The following JAKMIP1 variants were observed in gnomAD, a reference collection of about 807,000 sequenced individuals.
JAKMIP1 encodes the protein janus kinase and microtubule-interacting protein 1.
In JAKMIP1, 33 loss-of-function variants were observed where a neutral mutation model predicts 113.0. That is an observed-to-expected ratio of 0.29 (90% confidence interval 0.22 to 0.39). The LOEUF is 0.39. JAKMIP1 is among the 10% of genes least tolerant of loss of function. The probability of loss-of-function intolerance (pLI) is 1.00; values close to 1 mark genes in which losing one functional copy is unlikely to be tolerated. For missense variants in JAKMIP1, 813 were observed against 1,080.5 expected, an observed-to-expected ratio of 0.75 and a Z score of 3.47; for synonymous variants, 480 against 459.9, an observed-to-expected ratio of 1.04 and a Z score of -0.56.
Position 6,055,943 on chromosome 4 carries a change from C to A in JAKMIP1, c.1707+754G>T, listed in dbSNP as rs182955874. 8.5e-3 allele frequency among the ~76,000 whole-genome samples: 1,252 copies of A among 147,946 alleles called. 9 individuals are homozygous for A. The highest frequency in any genetic ancestry group is 0.013 in the Non-Finnish European group (894 of 67,054). ...TGCAGAGTGTCCCCAGAGGTCGGGG[C>A]AGCTCTCCCAATTTCTGCAGTGTGT... On this transcript the variant is annotated intron_variant, in intron 12 of 20. Transcript: ENST00000409021.
At chr4:6,118,330 G>A (rs1248891383) in intron 1 of JAKMIP1, among the ~76,000 whole-genome samples, 1 of 152,162 alleles carries the variant, frequency 6.6e-6, no homozygotes, top group Non-Finnish European at 1.5e-5. Context: ...ATGGGTCCCT[G>A]CCTGTCACAC....
chr4:6,073,946 C>T (rs1719329021), intron 8 of JAKMIP1, among the ~76,000 whole-genome samples: 1 of 152,258 alleles, frequency 6.6e-6, no homozygotes, highest in Non-Finnish European at 1.5e-5. Flanking sequence ...ACACAATTTA[C>T]TGCCACATGG....
intron 1 of JAKMIP1, among the ~76,000 whole-genome samples, chr4:6,147,902 C>T (rs1375212644): frequency 6.6e-6 from 1 of 152,248 alleles, no homozygotes. Context: ...AACAAATATT[C>T]ATTGAGCCTC....
intron 8 of JAKMIP1, among the ~76,000 whole-genome samples, chr4:6,068,163 C>G (rs904648849): frequency 9.2e-5 from 14 of 152,218 alleles, no homozygotes; most frequent in African/African-American, 3.1e-4. Context: ...AGGGCATTAA[C>G]TACCAATGCT....
chr4:6,170,334 T>C (rs370432933), intron 1 of JAKMIP1, among the ~76,000 whole-genome samples: 1,478 of 51,444 alleles, frequency 0.029, 18 homozygotes, highest in African/African-American at 0.093. Flanking sequence ...ACCACCACTC[T>C]CCCCACCCTT....
Position 6,108,835 on chromosome 4 carries a change from G to A in JAKMIP1, c.130-2868C>T, listed in dbSNP as rs141233316. Among the ~76,000 whole-genome samples the A allele has an allele frequency of 2.5e-3, 386 of 152,376 alleles. 1 individual carries two copies. Among genetic ancestry groups the A allele is most frequent in the Non-Finnish European group, 3.6e-3 (242 of 68,040 alleles). On this transcript the variant is annotated intron_variant, in intron 2 of 20. Transcript: ENST00000409021. The surrounding 1 kb of genome is among the most constrained non-coding windows in gnomAD (Gnocchi z 5.6). ...AAGGGAGCCATGCGGCAGTGGATGC[G>A]TCTTGGGACATCTGTAAGAACTCAT... is the stretch of plus-strand genomic sequence containing the variant.
Position 6,168,896 on chromosome 4 carries a change from G to A in JAKMIP1, c.-148+31357C>T, listed in dbSNP as rs1024792657. On this transcript the variant is annotated intron_variant, in intron 1 of 20. Transcript: ENST00000409021. The surrounding 1 kb of genome is among the most constrained non-coding windows in gnomAD (Gnocchi z 4.6). The stretch of plus-strand genomic sequence containing the variant: ...AGCCTAGGTGACAGAGTGAGAGCCT[G>A]TCTCAAAAAATAAAAACAAAAAAAA... Among the ~76,000 whole-genome samples, 2 of 150,648 alleles carry A rather than the reference G, an allele frequency of 1.3e-5. No homozygotes were observed. The highest frequency in any genetic ancestry group is 4.9e-5 in the African/African-American group (2 of 40,526).
At chr4:6,195,649 G>A (rs964338108) in intron 1 of JAKMIP1, among the ~76,000 whole-genome samples, 26 of 152,076 alleles carry the variant, frequency 1.7e-4, no homozygotes, top group Admixed American at 4.6e-4. Context: ...GAACATACTC[G>A]CTTTATAATC....
chr4:6,044,958 C>A lies in JAKMIP1; in HGVS notation c.2029-2731G>T, dbSNP rs1714797124. ...CTCAGGCTGGGGAGGAGAAGTGAGT[C>A]CACTCACAGGGAGGTGCTGATGAAC... On this transcript the variant is annotated intron_variant, in intron 16 of 20. Coordinates refer to ENST00000409021, the MANE Select transcript of JAKMIP1 (RefSeq NM_001099433.2). The surrounding 1 kb of genome is among the most constrained non-coding windows in gnomAD (Gnocchi z 4.4). Among the ~76,000 whole-genome samples the A allele has an allele frequency of 6.6e-6, 1 of 152,216 alleles. No individual in the cohort carries two copies. The highest frequency in any genetic ancestry group is 1.5e-5 in the Non-Finnish European group (1 of 68,042).
At chr4:6,160,614 AC>A (rs1284646014) in intron 1 of JAKMIP1, among the ~76,000 whole-genome samples, 2 of 151,702 alleles carry the variant, frequency 1.3e-5, no homozygotes, top group Admixed American at 6.6e-5. Context: ...TCCCTCCAGG[AC>A]CCCTCATCAT....
At chr4:6,196,688 G>C (rs895347573) in intron 1 of JAKMIP1, among the ~76,000 whole-genome samples, 1 of 152,066 alleles carries the variant, frequency 6.6e-6, no homozygotes, top group Non-Finnish European at 1.5e-5. Context: ...GTGAAACCCT[G>C]TCTCTACTAA....
chr4:6,131,090 A>C (rs1718443476), intron 1 of JAKMIP1, among the ~76,000 whole-genome samples: 1 of 144,686 alleles, frequency 6.9e-6, no homozygotes, highest in Non-Finnish European at 1.5e-5. Flanking sequence ...CGGGCTCAGG[A>C]GGTTGAGGCT....
Position 6,105,665 on chromosome 4 carries a change from G to A in JAKMIP1, c.432C>T (p.Phe144=), listed in dbSNP as rs779619995. The change falls in exon 3 of 21, where the codon TTC becomes TTT. Residue 144 remains phenylalanine (F), a synonymous_variant. Transcript: ENST00000409021. ...GCTGCAGCCGCAGGCGCTCTCCATC[G>A]AAGGCCCTGCGCGCCTCCTCGCGCG... is the stretch of plus-strand genomic sequence containing the variant. ...TEAREEARRA[F]DGERLRLQQE... is the part of the protein sequence containing the mutation. The A allele has an allele frequency of 4.4e-6, 7 of 1,602,352 alleles. No homozygotes were observed. The South Asian group carries it at 5.6e-5, about 13-fold the overall frequency.
At chr4:6,191,115 A>C (rs1369629236) in intron 1 of JAKMIP1, among the ~76,000 whole-genome samples, 2 of 152,190 alleles carry the variant, frequency 1.3e-5, no homozygotes, top group African/African-American at 4.8e-5. Flanking sequence ...AAAGACTTAC[A>C]CAGGCTAGAG....
In JAKMIP1 at chr4:6,185,508, C is replaced by T. The variant is rs183498904; in HGVS notation, c.-148+14745G>A. The stretch of plus-strand genomic sequence containing the variant: ...TAAAAAATACAAAAAATTAGCCGGG[C>T]GTGGTGGCAGACGCCTGTAGTCCCA... On this transcript the variant is annotated intron_variant, in intron 1 of 20. Transcript: ENST00000409021. This position sits in a 1 kb window ranked among gnomAD's most constrained non-coding sequence, Gnocchi z 5.3. Among the ~76,000 whole-genome samples the T allele has an allele frequency of 8.5e-5, 13 of 152,248 alleles. No homozygotes were observed. In the East Asian group the frequency reaches 9.7e-4, roughly 11 times the overall value.
In JAKMIP1 at chr4:6,140,561, G is replaced by C. The variant is rs185006619; in HGVS notation, c.-147-27564C>G. On this transcript the variant is annotated intron_variant, in intron 1 of 20. Coordinates refer to ENST00000409021, the MANE Select transcript of JAKMIP1 (RefSeq NM_001099433.2). The surrounding 1 kb of genome is among the most constrained non-coding windows in gnomAD (Gnocchi z 9.4). ...TGCAGGGTCAGAGGGAAGTCGGCCCGCTAGGTGACAGTGGTTCACAGCGTA... is the reference window on the plus strand; with the variant it reads ...TGCAGGGTCAGAGGGAAGTCGGCCCCCTAGGTGACAGTGGTTCACAGCGTA... Among the ~76,000 whole-genome samples, 1 of 152,080 alleles carries C rather than the reference G, an allele frequency of 6.6e-6. No individual in the cohort carries two copies. The highest frequency in any genetic ancestry group is 2.4e-5 in the African/African-American group (1 of 41,366).
rs1347976676 is a variant in JAKMIP1, at chr4:6,069,227, A to G, written c.1303-4219T>C. On this transcript the variant is annotated intron_variant, in intron 8 of 20. Transcript: ENST00000409021. This position sits in a 1 kb window ranked among gnomAD's most constrained non-coding sequence, Gnocchi z 4.5. ...ATGACTGGCACACAGTGGGCTTTAA[A>G]AAAAATGGCAAACATGAAAGAAACT... Among the ~76,000 whole-genome samples, 2 of 152,198 alleles carry G rather than the reference A, an allele frequency of 1.3e-5. No individual in the cohort carries two copies. The highest frequency in any genetic ancestry group is 2.9e-5 in the Non-Finnish European group (2 of 68,046).
intron 8 of JAKMIP1, among the ~76,000 whole-genome samples, chr4:6,074,326 AG>A (rs1239338609): frequency 6.6e-6 from 1 of 152,184 alleles, no homozygotes; most frequent in Non-Finnish European, 1.5e-5. Context: ...CAGGGAGTCC[AG>A]GGAGGTTTGC....
chr4:6,135,535 C>T lies in JAKMIP1; in HGVS notation c.-147-22538G>A, dbSNP rs754543683. Among the ~76,000 whole-genome samples, 8 of 152,146 alleles carry T rather than the reference C, an allele frequency of 5.3e-5. No homozygotes were observed. Among genetic ancestry groups the T allele is most frequent in the Non-Finnish European group, 1.0e-4 (7 of 68,030 alleles). On this transcript the variant is annotated intron_variant, in intron 1 of 20. Coordinates refer to ENST00000409021, the MANE Select transcript of JAKMIP1 (RefSeq NM_001099433.2). This position sits in a 1 kb window ranked among gnomAD's most constrained non-coding sequence, Gnocchi z 4.9. ...CAGAGATGCTCCTTGAGCTGCCCGA[C>T]CCCACTCCACGGACGGGGATTTCCC...
Sources: allele counts gnomAD v4.1 joint callset (sites outside exome capture counted in the v4.1 genomes callset), GRCh38; gene constraint gnomAD v4.1.1; non-coding constraint Gnocchi (gnomAD v3.1); transcripts MANE v1.5; gene names NCBI Gene and HGNC (gene_info 2026-07-23, HGNC 2026-07-21).